Variants in UBE2E1 observed in about 807,000 individuals in gnomAD.
UBE2E1 encodes ubiquitin-conjugating enzyme E2 E1.
UBE2E1 carries 6 observed loss-of-function variants against 21.4 expected under a neutral mutation model. That is an observed-to-expected ratio of 0.28 (90% CI 0.15 to 0.55). UBE2E1 has a LOEUF of 0.55. Ranked by LOEUF, UBE2E1 falls within the 20% of genes least tolerant of loss-of-function variation. UBE2E1 has a pLI of 0.93. For synonymous variants in UBE2E1, 87 were observed against 82.7 expected, an observed-to-expected ratio of 1.05 and a Z score of -0.28; for missense variants, 142 against 236.5, an observed-to-expected ratio of 0.60 and a Z score of 2.62.
In UBE2E1 at chr3:23,842,571, C is replaced by T. The variant is rs1700119065; in HGVS notation, c.203+31061C>T. Among the ~76,000 whole-genome samples, 1 of 152,108 alleles carries T rather than the reference C, an allele frequency of 6.6e-6. No homozygotes were observed. Among genetic ancestry groups the T allele is most frequent in the African/African-American group, 2.4e-5 (1 of 41,412 alleles). On this transcript the variant is annotated intron_variant, in intron 3 of 5. Transcript: ENST00000306627. The surrounding 1 kb of genome is among the most constrained non-coding windows in gnomAD (Gnocchi z 4.6). ...GATAATAAGGCAAGATATTTCAAGGCCTCCTTTTGTTATGTAAGCTGAATT... is the reference window on the plus strand; with the variant it reads ...GATAATAAGGCAAGATATTTCAAGGTCTCCTTTTGTTATGTAAGCTGAATT...
At chr3:23,856,891 A>G (rs1477288144) in intron 3 of UBE2E1, among the ~76,000 whole-genome samples, 1 of 151,618 alleles carries the variant, frequency 6.6e-6, no homozygotes, top group African/African-American at 2.4e-5. Flanking sequence ...TAATCCTAGC[A>G]GTTTGGCAAG....
chr3:23,811,238 A>G (rs962176010), intron 2 of UBE2E1, among the ~76,000 whole-genome samples: 2 of 152,186 alleles, frequency 1.3e-5, no homozygotes, highest in Non-Finnish European at 2.9e-5. Context: ...TTGGAAGCCA[A>G]ACTTTGCAGA....
At chr3:23,859,392 C>T (rs1291961644) in intron 3 of UBE2E1, among the ~76,000 whole-genome samples, 1 of 152,224 alleles carries the variant, frequency 6.6e-6, no homozygotes, top group Non-Finnish European at 1.5e-5. Context: ...CCTCACTTCA[C>T]CTGAGCACAT....
Position 23,890,563 on chromosome 3 carries a change from A to AATAC in UBE2E1, c.539_540insATAC (p.His180GlnfsTer3). 1 of 1,613,800 alleles carries AATAC rather than the reference A, an allele frequency of 6.2e-7. No homozygotes were observed. Among genetic ancestry groups the AATAC allele is most frequent in the Non-Finnish European group, 8.5e-7 (1 of 1,179,860 alleles). ...CAGTATATGACCAACAGAGCAGAAC[A>AATAC]TGACAGAATGGCCAGACAGTGGACC... is the stretch of plus-strand genomic sequence containing the variant. On this transcript the variant is annotated frameshift_variant, in exon 6 of 6. Coordinates refer to ENST00000306627, the MANE Select transcript of UBE2E1 (RefSeq NM_003341.5). LOFTEE classifies it high-confidence loss of function.
At chr3:23,809,239 TAA>T (rs1038728979) in intron 2 of UBE2E1, among the ~76,000 whole-genome samples, 1 of 152,144 alleles carries the variant, frequency 6.6e-6, no homozygotes, top group African/African-American at 2.4e-5. Flanking sequence ...AAAGCAGACC[TAA>T]AGTTAATAGA....
At position 23,816,454 on chromosome 3, in the gene UBE2E1, C is replaced by A. The variant is rs1699519767; in HGVS notation, c.203+4944C>A. 2.0e-5 allele frequency among the ~76,000 whole-genome samples: 3 copies of A among 152,292 alleles called. 1 individual carries two copies. The South Asian group carries it at 6.2e-4, about 32-fold the overall frequency. ...GGGCGCAGTGGATTACGCTTGTAAT[C>A]CCAGCACTTTGGGAGGCTGAGGCAG... On this transcript the variant is annotated intron_variant, in intron 3 of 5. Coordinates refer to ENST00000306627, the MANE Select transcript of UBE2E1 (RefSeq NM_003341.5). This position sits in a 1 kb window ranked among gnomAD's most constrained non-coding sequence, Gnocchi z 4.8.
Position 23,842,198 on chromosome 3 carries a change from G to GGGGGGGTGTGTGT in UBE2E1, c.203+30689_203+30690insGGGGGTGTGTGTG, listed in dbSNP as rs1553637704. On this transcript the variant is annotated intron_variant, in intron 3 of 5. Transcript: ENST00000306627. The surrounding 1 kb of genome is among the most constrained non-coding windows in gnomAD (Gnocchi z 4.6). ...TATGTCATGACCCAGTAAGTGAAGGGGTGTGTGTGTGTGTGTGTGTGTGTG... is the reference window on the plus strand; with the variant it reads ...TATGTCATGACCCAGTAAGTGAAGGGGGGGGGTGTGTGTGTGTGTGTGTGTGTGTGTGTGTGTG... 1.9e-5 allele frequency among the ~76,000 whole-genome samples: 2 copies of GGGGGGGTGTGTGT among 104,284 alleles called. No individual in the cohort carries two copies. Among genetic ancestry groups the GGGGGGGTGTGTGT allele is most frequent in the African/African-American group, 7.2e-5 (2 of 27,628 alleles). The allele number at this position is 104,284 out of a possible 152,430, so 68.4% of individuals were successfully genotyped here. A position where few individuals can be genotyped will look rare whatever the true frequency, so the allele number is the denominator to read the frequency against.
chr3:23,880,502 G>A (rs568101150), intron 3 of UBE2E1, among the ~76,000 whole-genome samples: 2 of 152,322 alleles, frequency 1.3e-5, no homozygotes, highest in South Asian at 4.1e-4. Flanking sequence ...AGGAAGTCAA[G>A]GCTACTGTGA....
At chr3:23,875,149 A>G (rs1253468447) in intron 3 of UBE2E1, among the ~76,000 whole-genome samples, 1 of 152,226 alleles carries the variant, frequency 6.6e-6, no homozygotes, top group Non-Finnish European at 1.5e-5. Flanking sequence ...GTAAATTTCC[A>G]GATGTGCTGG....
chr3:23,858,477 G>A (rs1036249972), intron 3 of UBE2E1, among the ~76,000 whole-genome samples: 5 of 151,762 alleles, frequency 3.3e-5, no homozygotes, highest in African/African-American at 7.3e-5. Flanking sequence ...GCACCACCAC[G>A]CCCAGCTGAT....
At position 23,890,735 on chromosome 3, in the gene UBE2E1, T is replaced by C; in HGVS notation, c.*129T>C. The C allele has an allele frequency of 1.3e-6, 1 of 782,614 alleles. No individual in the cohort carries two copies. The highest frequency in any genetic ancestry group is 1.8e-5 in the African/African-American group (1 of 55,638). 48.5% of individuals were successfully genotyped at this position (782,614 alleles called of 1,614,324 possible). A position where few individuals can be genotyped will look rare whatever the true frequency, so the allele number is the denominator to read the frequency against. The stretch of plus-strand genomic sequence containing the variant: ...TTCTATAACAGATATTATTCAGTCT[T>C]ATTTCCTAAGATTTTGTTGTAACTT... On this transcript the variant is annotated 3_prime_UTR_variant, in exon 6 of 6. Coordinates refer to ENST00000306627, the MANE Select transcript of UBE2E1 (RefSeq NM_003341.5).
rs190146697 is a variant in UBE2E1 at position 23,851,845 on chromosome 3, C to T, written c.204-35722C>T. On this transcript the variant is annotated intron_variant, in intron 3 of 5. Transcript: ENST00000306627. ...ATCTGTACAGTTTGGATGTTTGTCC[C>T]CTCCAAATCCTGTGTTGAAATGTGA... is the stretch of plus-strand genomic sequence containing the variant. 3.3e-5 allele frequency among the ~76,000 whole-genome samples: 5 copies of T among 152,176 alleles called. No individual in the cohort carries two copies. The East Asian group carries it at 9.7e-4, about 29-fold the overall frequency.
intron 3 of UBE2E1, among the ~76,000 whole-genome samples, chr3:23,820,430 A>C (rs1278370928): frequency 1.3e-5 from 2 of 152,232 alleles, no homozygotes; most frequent in Non-Finnish European, 2.9e-5. Context: ...ATAGATGATC[A>C]ACCTTTGGAA....
intron 3 of UBE2E1, among the ~76,000 whole-genome samples, chr3:23,880,824 C>G (rs1313666183): frequency 6.6e-6 from 1 of 152,188 alleles, no homozygotes; most frequent in Non-Finnish European, 1.5e-5. Context: ...ACAACAGATT[C>G]TAGTAAGACT....
At position 23,810,359 on chromosome 3, in the gene UBE2E1, C is replaced by T. The variant is rs1575797024; in HGVS notation, c.153-1101C>T. ...AAAGGCCAGGGCTTGGTGTGAACTGCCTGGTGGCTTCGGCCTATGAGTGGG... is the reference window on the plus strand; with the variant it reads ...AAAGGCCAGGGCTTGGTGTGAACTGTCTGGTGGCTTCGGCCTATGAGTGGG... On this transcript the variant is annotated intron_variant, in intron 2 of 5. Transcript: ENST00000306627. The surrounding 1 kb of genome is among the most constrained non-coding windows in gnomAD (Gnocchi z 5.8). 9.9e-6 allele frequency: 14 copies of T among 1,411,714 alleles called. No individual in the cohort carries two copies. Among genetic ancestry groups the T allele is most frequent in the African/African-American group, 1.4e-5 (1 of 70,316 alleles). 87.4% of individuals were successfully genotyped at this position (1,411,714 alleles called of 1,614,324 possible). A position where few individuals can be genotyped will look rare whatever the true frequency, so the allele number is the denominator to read the frequency against.
At chr3:23,882,231 TTTTACA>T (rs1701061401) in intron 3 of UBE2E1, among the ~76,000 whole-genome samples, 1 of 104,962 alleles carries the variant, frequency 9.5e-6, no homozygotes, top group Non-Finnish European at 1.8e-5. Context: ...AGCTGATTGG[TTTTACA>T]GAGAGCTGAT....
At chr3:23,859,189 A>C (rs1246901340) in intron 3 of UBE2E1, among the ~76,000 whole-genome samples, 3 of 152,234 alleles carry the variant, frequency 2.0e-5, no homozygotes, top group African/African-American at 7.2e-5. Context: ...GCCTGAGGCC[A>C]GATCCTTCTG....
chr3:23,852,253 A>G lies in UBE2E1; in HGVS notation c.204-35314A>G, dbSNP rs115255303. Reference sequence around the variant, plus strand: ...ATGGACTAACACATGATTCATGAACATTAAATGTCTTTTCAGTTATTTATA... The same window carrying G: ...ATGGACTAACACATGATTCATGAACGTTAAATGTCTTTTCAGTTATTTATA... On this transcript the variant is annotated intron_variant, in intron 3 of 5. Transcript: ENST00000306627. Among the ~76,000 whole-genome samples, 1,120 of 152,330 alleles carry G rather than the reference A, an allele frequency of 7.4e-3. 14 individuals are homozygous for G. Among genetic ancestry groups the G allele is most frequent in the African/African-American group, 0.025 (1,045 of 41,570 alleles).
rs919388762 is a variant in UBE2E1 at position 23,806,188 on chromosome 3, CGGGCCGCA to C, written c.-34+105_-34+112del. 2.7e-5 allele frequency: 4 copies of C among 146,620 alleles called. No individual in the cohort carries two copies. The highest frequency in any genetic ancestry group is 6.7e-5 in the Admixed American group (1 of 14,836). 9.1% of individuals were successfully genotyped at this position (146,620 alleles called of 1,614,324 possible). On this transcript the variant is annotated intron_variant, in intron 1 of 5. Transcript: ENST00000306627. This position sits in a 1 kb window ranked among gnomAD's most constrained non-coding sequence, Gnocchi z 6.5. ...CCCCGACTCGCGCCGCCGGGGCCGC[CGGGCCGCA>C]GGGCACGGGGCCGGCGCGGGGGGGG...
Sources: allele counts gnomAD v4.1 joint callset (sites outside exome capture counted in the v4.1 genomes callset), GRCh38; gene constraint gnomAD v4.1.1; non-coding constraint Gnocchi (gnomAD v3.1); transcripts MANE v1.5; gene names NCBI Gene and HGNC (gene_info 2026-07-23, HGNC 2026-07-21).